Variants in TNNI3K observed in about 807,000 individuals in gnomAD.
The protein encoded by TNNI3K is TNNI3 interacting kinase.
In TNNI3K, 140 loss-of-function variants were observed where a neutral mutation model predicts 114.5. The observed-to-expected ratio is 1.22, with a 90% confidence interval of 1.07 to 1.41. TNNI3K has a LOEUF of 1.41. Among genes scored for constraint, TNNI3K ranks in the 40% most tolerant of loss-of-function variants. TNNI3K has a pLI of 0.00. For missense variants in TNNI3K, 1,125 were observed against 1,007.6 expected (o/e 1.12, Z -1.58); for synonymous variants, 347 against 347.5 (o/e 1.00, Z 0.02).
At chr1:74,518,257 GCTAGAAGAATCA>G (rs1646377107) in intron 23 of TNNI3K, among the ~76,000 whole-genome samples, 1 of 152,152 alleles carries the variant, frequency 6.6e-6, no homozygotes, top group African/African-American at 2.4e-5. Context: ...AGTCTGGATG[GCTAGAAGAATCA>G]TTAGGTCATT....
At chr1:74,419,213 T>C (rs1455056638) in intron 17 of TNNI3K, among the ~76,000 whole-genome samples, 1 of 152,072 alleles carries the variant, frequency 6.6e-6, no homozygotes, top group Non-Finnish European at 1.5e-5. Flanking sequence ...ATCACTCCAA[T>C]GTCTGCCTCC....
intron 17 of TNNI3K, among the ~76,000 whole-genome samples, chr1:74,391,344 G>T (rs1392000424): frequency 1.3e-5 from 2 of 152,178 alleles, no homozygotes; most frequent in African/African-American, 4.8e-5. Flanking sequence ...AGTGGCAGAT[G>T]AAAATAGATT....
At position 74,236,022 on chromosome 1, in the gene TNNI3K, G is replaced by C. The variant is rs930043869; in HGVS notation, c.41-80G>C. On this transcript the variant is annotated intron_variant, in intron 1 of 24. Coordinates refer to ENST00000326637, the MANE Select transcript of TNNI3K (RefSeq NM_015978.3). ...AGAATCTAGAATAAAAAACAGTTTT[G>C]ATTACTTGTATGTTATGATCTGTGT... 9 of 1,028,534 alleles carry C rather than the reference G, an allele frequency of 8.8e-6. 1 individual carries two copies. Among genetic ancestry groups the C allele is most frequent in the Non-Finnish European group, 9.9e-6 (7 of 707,846 alleles). 63.7% of individuals were successfully genotyped at this position (1,028,534 alleles called of 1,614,324 possible). A position where few individuals can be genotyped will look rare whatever the true frequency, so the allele number is the denominator to read the frequency against.
chr1:74,353,156 A>T, intron 9 of TNNI3K, 110 bp from the exon 10 acceptor site: 1 of 1,083,274 alleles, frequency 9.2e-7, no homozygotes, highest in Admixed American at 2.5e-5. Flanking sequence ...TTGTCAGGTT[A>T]TGGGGGTTAT....
intron 17 of TNNI3K, among the ~76,000 whole-genome samples, chr1:74,391,042 G>A (rs1270398015): frequency 6.8e-6 from 1 of 148,136 alleles, no homozygotes; most frequent in Non-Finnish European, 1.5e-5. Context: ...TAAAACTTTA[G>A]CAAAAGCCAC....
chr1:74,299,342 G>A (rs1480525816), intron 5 of TNNI3K, among the ~76,000 whole-genome samples: 1 of 152,022 alleles, frequency 6.6e-6, no homozygotes, highest in East Asian at 1.9e-4. Context: ...TGTTTATCTT[G>A]CTATTTTAAA....
chr1:74,505,505 T>G (rs1413847681), intron 23 of TNNI3K, among the ~76,000 whole-genome samples: 1 of 152,218 alleles, frequency 6.6e-6, no homozygotes, highest in Non-Finnish European at 1.5e-5. Context: ...CTGAAGCAGC[T>G]CTTACAATGG....
intron 17 of TNNI3K, among the ~76,000 whole-genome samples, chr1:74,381,256 C>T (rs1171145339): frequency 6.6e-6 from 1 of 152,160 alleles, no homozygotes; most frequent in East Asian, 1.9e-4. Flanking sequence ...AGCATGTTCA[C>T]ATCCCAGCTC....
intron 17 of TNNI3K, among the ~76,000 whole-genome samples, chr1:74,432,090 A>G (rs1286664176): frequency 1.3e-5 from 2 of 152,090 alleles, no homozygotes; most frequent in Non-Finnish European, 2.9e-5. Context: ...GTGTGCACAC[A>G]TGCATATGCA....
intron 21 of TNNI3K, among the ~76,000 whole-genome samples, chr1:74,467,586 T>C (rs1473047208): frequency 6.6e-6 from 1 of 151,958 alleles, no homozygotes; most frequent in African/African-American, 2.4e-5. Flanking sequence ...TATTTTTTTC[T>C]CTAAAGGAGT....
In TNNI3K at chr1:74,354,060, G is replaced by C. The variant is rs1277807467; in HGVS notation, c.1108G>C (p.Ala370Pro). 3 of 1,614,048 alleles carry C rather than the reference G, an allele frequency of 1.9e-6. No homozygotes were observed. The highest frequency in any genetic ancestry group is 4.5e-5 in the East Asian group (2 of 44,842). The stretch of plus-strand genomic sequence containing the variant: ...TAATGGAGCTGATATGAATCTAGTG[G>C]CTTGTGATCCCAGCAGGTCTAGTGG... ...LDNGADMNLVACDPSRSSGEK... is the reference protein window; with the variant it reads ...LDNGADMNLVPCDPSRSSGEK... The change falls in exon 11 of 25, where the codon GCT becomes CCT. Residue 370 changes from alanine (A) to proline (P), a missense_variant. Coordinates refer to ENST00000326637, the MANE Select transcript of TNNI3K (RefSeq NM_015978.3).
intron 21 of TNNI3K, among the ~76,000 whole-genome samples, chr1:74,464,400 AG>A (rs1252254585): frequency 6.6e-6 from 1 of 152,188 alleles, no homozygotes; most frequent in Non-Finnish European, 1.5e-5. Flanking sequence ...TTCACAATGG[AG>A]GACCTCATAT....
At chr1:74,328,729 A>T (rs1049180420) in intron 5 of TNNI3K, among the ~76,000 whole-genome samples, 1 of 151,944 alleles carries the variant, frequency 6.6e-6, no homozygotes, top group Non-Finnish European at 1.5e-5. Context: ...CAAACTTAGG[A>T]GGAAAAAAAA....
At chr1:74,288,432 T>C (rs955027320) in intron 5 of TNNI3K, among the ~76,000 whole-genome samples, 6 of 152,118 alleles carry the variant, frequency 3.9e-5, no homozygotes, top group African/African-American at 1.4e-4. Context: ...GTGAATATTA[T>C]TTATCTTAAA....
At chr1:74,370,962 A>G (rs1453587793) in intron 17 of TNNI3K, 1 of 151,906 alleles carries the variant, frequency 6.6e-6, no homozygotes, top group Non-Finnish European at 1.5e-5. Context: ...AGGCCAATAT[A>G]CAAAATGGAG....
chr1:74,320,031 T>A (rs1199398056), intron 5 of TNNI3K, among the ~76,000 whole-genome samples: 2 of 152,168 alleles, frequency 1.3e-5, no homozygotes, highest in African/African-American at 4.8e-5. Context: ...TGGGTTTGAG[T>A]CCCATCTGCA....
chr1:74,524,528 A>G (rs1330688049), intron 23 of TNNI3K, among the ~76,000 whole-genome samples: 1 of 152,206 alleles, frequency 6.6e-6, no homozygotes, highest in East Asian at 1.9e-4. Flanking sequence ...GGAAAAAGTC[A>G]CATAAATCTC....
intron 5 of TNNI3K, among the ~76,000 whole-genome samples, chr1:74,274,156 TAAAG>T (rs1218501330): frequency 6.6e-6 from 1 of 151,976 alleles, no homozygotes; most frequent in Non-Finnish European, 1.5e-5. Context: ...ACTATATTCT[TAAAG>T]TAAGCTAGTG....
intron 17 of TNNI3K, among the ~76,000 whole-genome samples, chr1:74,391,799 G>A (rs1416296409): frequency 3.3e-5 from 5 of 152,098 alleles, no homozygotes; most frequent in Admixed American, 1.3e-4. Context: ...CCTGAGAAAG[G>A]GAAAAAGGAA....
Sources: gnomAD v4.1 joint callset for allele counts (sites outside exome capture counted in the v4.1 genomes callset) on GRCh38, gnomAD v4.1.1 for gene constraint, MANE v1.5 for transcripts, NCBI Gene and HGNC (gene_info 2026-07-23, HGNC 2026-07-21) for gene names.